NDUFA10: variants seen among roughly 807,000 people sequenced by gnomAD.
NDUFA10 encodes NADH dehydrogenase [ubiquinone] 1 alpha subcomplex subunit 10, mitochondrial.
Under a neutral mutation model 47.8 loss-of-function variants are expected in NDUFA10, and 40 were observed. The ratio of observed to expected loss-of-function variants is 0.84; its 90% CI spans 0.65 to 1.09. The LOEUF (loss-of-function observed/expected upper bound fraction) is 1.09. Among genes scored for constraint, NDUFA10 ranks in the 50% least tolerant of loss-of-function variants. The pLI is 0.00. For synonymous variants in NDUFA10, 183 were observed against 172.2 expected (o/e 1.06, Z -0.49); for missense variants, 413 against 451.1 (o/e 0.92, Z 0.76).
Position 240,022,325 on chromosome 2 carries a change from T to G in NDUFA10, c.91A>C (p.Ser31Arg). The change falls in exon 2 of 10, where the codon AGT becomes CGT. Residue 31 changes from serine (S) to arginine (R), a missense_variant. Coordinates refer to ENST00000252711, the MANE Select transcript of NDUFA10 (RefSeq NM_004544.4). ...GAQRVRGIHS[S>R]VQCKLRYGMW... ...CCATAGCGCAGTTTGCACTGCACAC[T>G]GCTATGAATTCCTCTCTGAAAAACA... 1 of 1,614,128 alleles carries G rather than the reference T, an allele frequency of 6.2e-7. No homozygotes were observed. The highest frequency in any genetic ancestry group is 8.5e-7 in the Non-Finnish European group (1 of 1,180,010).
At chr2:240,009,479 T>C (rs1436430833) in intron 6 of NDUFA10, among the ~76,000 whole-genome samples, 6 of 152,260 alleles carry the variant, frequency 3.9e-5, no homozygotes, top group Non-Finnish European at 7.3e-5. Context: ...GTCATAAATA[T>C]TGACAAAGCC....
At chr2:239,985,037 C>G (rs1695941858) in intron 9 of NDUFA10, among the ~76,000 whole-genome samples, 1 of 152,212 alleles carries the variant, frequency 6.6e-6, no homozygotes, top group Admixed American at 6.5e-5. Context: ...GACCTCCATG[C>G]CTGCCAGAAG....
At position 240,017,730 on chromosome 2, in the gene NDUFA10, G is replaced by A. The variant is rs565856613; in HGVS notation, c.547+823C>T. On this transcript the variant is annotated intron_variant, in intron 4 of 9. Transcript: ENST00000252711. ...AAGCACGGGCTTGCAGTGCTCTTGC[G>A]GGCGGCAAGCTCACAGGTGGAGTAC... 1,064 of 1,091,046 alleles carry A rather than the reference G, an allele frequency of 9.8e-4. 16 individuals carry two copies. In the South Asian group the frequency reaches 0.011, roughly 12 times the overall value. The allele number at this position is 1,091,046 out of a possible 1,614,324, so 67.6% of individuals were successfully genotyped here. A position where few individuals can be genotyped will look rare whatever the true frequency, so the allele number is the denominator to read the frequency against.
chr2:239,960,629 TA>T lies in NDUFA10; in HGVS notation c.*488del. 9.6e-7 allele frequency: 1 copy of T among 1,038,254 alleles called. No individual in the cohort carries two copies. The highest frequency in any genetic ancestry group is 1.2e-6 in the Non-Finnish European group (1 of 859,778). The allele number at this position is 1,038,254 out of a possible 1,614,324, so 64.3% of individuals were successfully genotyped here. The stretch of plus-strand genomic sequence containing the variant: ...AGGCCTTTAGAAAAACTCTTCAGCA[TA>T]ATGTAAGCCTCAATTAAACCACACC... On this transcript the variant is annotated 3_prime_UTR_variant, in exon 10 of 10. Coordinates refer to ENST00000252711, the MANE Select transcript of NDUFA10 (RefSeq NM_004544.4).
chr2:239,918,178 C>T (rs1382827628), intron 4 of NDUFA10, among the ~76,000 whole-genome samples: 1 of 152,176 alleles, frequency 6.6e-6, no homozygotes, highest in African/African-American at 2.4e-5. Context: ...AAGGAGGGTG[C>T]CACAGATGGA....
chr2:239,976,241 TGTAACCCCCACGTGGCTTAGGATGGAAA>T (rs1273910581), intron 9 of NDUFA10, among the ~76,000 whole-genome samples: 1 of 152,208 alleles, frequency 6.6e-6, no homozygotes, highest in Non-Finnish European at 1.5e-5. Context: ...TCATGCCTGC[TGTAACCCCCACGTGGCTTAGGATGGAAA>T]GTAAGCTCCA....
chr2:240,021,341 T>A lies in NDUFA10; in HGVS notation c.316A>T (p.Thr106Ser). ...AAACTACAGTTGCCATTATAGTCGG[T>A]GGCGAGGGGCTTCCCATCTCCTGTG... is the stretch of plus-strand genomic sequence containing the variant. ...STTGDGKPLA[T>S]DYNGNCSLEK... Residue 106 changes from threonine (T) to serine (S), a missense_variant, in exon 3 of 10, where the codon ACC (threonine) becomes TCC (serine). Coordinates refer to ENST00000252711, the MANE Select transcript of NDUFA10 (RefSeq NM_004544.4). 1 of 1,614,202 alleles carries A rather than the reference T, an allele frequency of 6.2e-7. No individual in the cohort carries two copies. The highest frequency in any genetic ancestry group is 8.5e-7 in the Non-Finnish European group (1 of 1,180,040).
chr2:240,018,295 G>A, intron 4 of NDUFA10: 1 of 1,017,808 alleles, frequency 9.8e-7, no homozygotes, highest in South Asian at 1.6e-5. Flanking sequence ...TGCACTTTAA[G>A]CTGCGTGTGT....
intron 4 of NDUFA10, among the ~76,000 whole-genome samples, chr2:239,907,451 T>C (rs188305267): frequency 2.6e-5 from 4 of 152,182 alleles, no homozygotes; most frequent in African/African-American, 9.6e-5. Flanking sequence ...ACCATCAGAG[T>C]GAACAGGCAA....
intron 8 of NDUFA10, among the ~76,000 whole-genome samples, chr2:240,004,474 G>A (rs183628001): frequency 1.0e-3 from 155 of 147,912 alleles, no homozygotes; most frequent in South Asian, 8.3e-4. Flanking sequence ...CCCACCAAAC[G>A]CACCAAGACC....
At chr2:239,955,936 C>T (rs73103621), downstream of NDUFA10, among the ~76,000 whole-genome samples, 2,252 of 152,182 alleles carry the variant, frequency 0.015, 41 homozygotes, top group East Asian at 0.043. Flanking sequence ...GGCTCTGTGT[C>T]GAGTCCTCCA....
chr2:239,948,032 G>A (rs973555825), intron 4 of NDUFA10, among the ~76,000 whole-genome samples: 4 of 152,252 alleles, frequency 2.6e-5, no homozygotes, highest in African/African-American at 7.2e-5. Flanking sequence ...ATCCTCTGGT[G>A]GTGAGGTGGA....
intron 9 of NDUFA10, among the ~76,000 whole-genome samples, chr2:239,963,828 C>G (rs1283804959): frequency 6.6e-6 from 1 of 152,196 alleles, no homozygotes; most frequent in Non-Finnish European, 1.5e-5. Context: ...TGGCTGAGGC[C>G]TGAGGCTGCA....
chr2:240,022,318 T>C lies in NDUFA10; in HGVS notation c.98A>G (p.Gln33Arg), dbSNP rs1697656945. The C allele has an allele frequency of 6.2e-7, 1 of 1,614,132 alleles. No individual in the cohort carries two copies. Among genetic ancestry groups the C allele is most frequent in the Non-Finnish European group, 8.5e-7 (1 of 1,180,024 alleles). The change falls in exon 2 of 10, where the codon CAG (glutamine) becomes CGG (arginine). Residue 33 changes from glutamine to arginine, a missense_variant. By Grantham distance (43) the Gln-to-Arg change is conservative (BLOSUM62 1). Coordinates refer to ENST00000252711, the MANE Select transcript of NDUFA10 (RefSeq NM_004544.4). ...QRVRGIHSSVQCKLRYGMWHF... is the reference protein window; with the variant it reads ...QRVRGIHSSVRCKLRYGMWHF... ...CCACATTCCATAGCGCAGTTTGCAC[T>C]GCACACTGCTATGAATTCCTCTCTG...
chr2:239,947,226 T>G (rs1266318532), intron 4 of NDUFA10, among the ~76,000 whole-genome samples: 1 of 152,208 alleles, frequency 6.6e-6, no homozygotes, highest in African/African-American at 2.4e-5. Flanking sequence ...GGACATTATC[T>G]GGCAGCAGGC....
intron 4 of NDUFA10, among the ~76,000 whole-genome samples, chr2:239,907,900 T>C (rs1440622071): frequency 6.6e-6 from 1 of 152,194 alleles, no homozygotes; most frequent in Non-Finnish European, 1.5e-5. Context: ...TTACTGGGCA[T>C]ATACCCAAAG....
In NDUFA10 at chr2:240,025,086, G is replaced by A. The variant is rs1019557536; in HGVS notation, c.75+141C>T. On this transcript the variant is annotated intron_variant, in intron 1 of 9. Coordinates refer to ENST00000252711, the MANE Select transcript of NDUFA10 (RefSeq NM_004544.4). ...CGACCAAAGACCAAACAATTCCGGA[G>A]GCAGGAGGGGTCCCCCAAACCCACC... The A allele has an allele frequency of 2.1e-5, 17 of 791,052 alleles. No homozygotes were observed. In the African/African-American group the frequency reaches 2.2e-4, roughly 10 times the overall value. 49.0% of individuals were successfully genotyped at this position (791,052 alleles called of 1,614,324 possible).
chr2:240,012,423 T>C, intron 5 of NDUFA10: 1 of 155,804 alleles, frequency 6.4e-6, no homozygotes, highest in Non-Finnish European at 1.4e-5. Context: ...TCCACCCTGC[T>C]CACTGGTATG....
chr2:239,909,703 A>T (rs1693716150), intron 4 of NDUFA10, among the ~76,000 whole-genome samples: 1 of 152,182 alleles, frequency 6.6e-6, no homozygotes, highest in Non-Finnish European at 1.5e-5. Flanking sequence ...ATTTCATGAT[A>T]AAAAAATGCC....
Sources: gnomAD v4.1 joint callset for allele counts (sites outside exome capture counted in the v4.1 genomes callset) on GRCh38, gnomAD v4.1.1 for gene constraint, MANE v1.5 for transcripts, NCBI Gene and HGNC (gene_info 2026-07-23, HGNC 2026-07-21) for gene names.